CHL1: variants seen among roughly 807,000 people sequenced by gnomAD.
CHL1 encodes neural cell adhesion molecule L1-like protein.
Under a neutral mutation model 141.9 loss-of-function variants are expected in CHL1, and 96 were observed. The observed-to-expected ratio is 0.68, with a 90% CI of 0.57 to 0.80. The LOEUF (loss-of-function observed/expected upper bound fraction) is 0.80. Ranked by LOEUF, CHL1 falls within the 30% of genes least tolerant of loss-of-function variation. The pLI, the probability that CHL1 is intolerant of heterozygous loss-of-function variation, is 0.00. For missense variants in CHL1, 1,820 were observed against 1,457.2 expected (o/e 1.25, Z -4.05); for synonymous variants, 613 against 502.2 (o/e 1.22, Z -2.95).
chr3:284,999 A>G (rs1574958383), intron 2 of CHL1, among the ~76,000 whole-genome samples: 1 of 152,382 alleles, frequency 6.6e-6, no homozygotes, highest in Non-Finnish European at 1.5e-5. Context: ...ATAGATGTCT[A>G]AAATGAACTA....
At chr3:256,365 C>T (rs893798113) in intron 2 of CHL1, among the ~76,000 whole-genome samples, 2 of 152,190 alleles carry the variant, frequency 1.3e-5, no homozygotes, top group African/African-American at 4.8e-5. Context: ...TTGCACCACT[C>T]TAAGTGGTAA....
At chr3:250,989 C>T (rs1166104395) in intron 2 of CHL1, among the ~76,000 whole-genome samples, 1 of 151,988 alleles carries the variant, frequency 6.6e-6, no homozygotes, top group African/African-American at 2.4e-5. Context: ...TTCTTATCCT[C>T]ATGAAGCTTA....
At position 271,123 on chromosome 3, in the gene CHL1, C is replaced by A. The variant is rs183692355; in HGVS notation, c.-95+26431C>A. On this transcript the variant is annotated intron_variant, in intron 2 of 27. Transcript: ENST00000256509. ...GAAAAGCCAAAAATACTGCTCCAAT[C>A]AAAAAAAAATTCTTATATTTTGGCC... Among the ~76,000 whole-genome samples the A allele has an allele frequency of 2.6e-3, 387 of 151,246 alleles. 2 individuals carry two copies. Among genetic ancestry groups the A allele is most frequent in the African/African-American group, 8.7e-3 (361 of 41,294 alleles).
At chr3:333,786 A>T (rs1244760186) in intron 5 of CHL1, among the ~76,000 whole-genome samples, 1 of 152,226 alleles carries the variant, frequency 6.6e-6, no homozygotes, top group Admixed American at 6.5e-5. Context: ...TGCCTTCATT[A>T]TCCAACTATC....
chr3:375,617 T>C (rs1706216950), intron 15 of CHL1, among the ~76,000 whole-genome samples: 2 of 151,920 alleles, frequency 1.3e-5, no homozygotes, highest in Admixed American at 1.3e-4. Context: ...GAAATGTGAT[T>C]AGCAATAAGC....
At chr3:344,880 T>G (rs1702635789) in intron 9 of CHL1, among the ~76,000 whole-genome samples, 171 bp downstream of exon 9, 1 of 152,136 alleles carries the variant, frequency 6.6e-6, no homozygotes, top group Non-Finnish European at 1.5e-5. Flanking sequence ...TTCCAGGTAC[T>G]TAAGAGGCTG....
At chr3:275,665 G>C (rs1696030455) in intron 2 of CHL1, among the ~76,000 whole-genome samples, 1 of 152,264 alleles carries the variant, frequency 6.6e-6, no homozygotes, top group Admixed American at 6.5e-5. Context: ...TTTTTTCCAA[G>C]AGTCTAACTT....
intron 1 of CHL1, among the ~76,000 whole-genome samples, chr3:215,791 A>G (rs373004649): frequency 1.3e-5 from 2 of 152,166 alleles, no homozygotes; most frequent in African/African-American, 4.8e-5. Context: ...GCATTGAAGC[A>G]TCTCTTTCAA....
intron 19 of CHL1, among the ~76,000 whole-genome samples, chr3:386,069 T>C (rs1031425383): frequency 6.6e-6 from 1 of 152,042 alleles, no homozygotes; most frequent in Non-Finnish European, 1.5e-5. Context: ...GTATGGATCA[T>C]CCTGCGGAAA....
rs551205852 is a variant in CHL1 at position 273,696 on chromosome 3, A to T, written c.-95+29004A>T. Among the ~76,000 whole-genome samples, 6 of 152,270 alleles carry T rather than the reference A, an allele frequency of 3.9e-5. No homozygotes were observed. In the South Asian group the frequency reaches 1.0e-3, roughly 26 times the overall value. ...TTTTCTATCATAATGACTTCTTTTAAAGAATAAGGGTATATATCTCTTATG... is the reference window on the plus strand; with the variant it reads ...TTTTCTATCATAATGACTTCTTTTATAGAATAAGGGTATATATCTCTTATG... On this transcript the variant is annotated intron_variant, in intron 2 of 27. Coordinates refer to ENST00000256509, the MANE Select transcript of CHL1 (RefSeq NM_006614.4).
Position 377,881 on chromosome 3 carries a change from C to CTGCT in CHL1, c.1816_1819dup (p.Cys607LeufsTer21). On this transcript the variant is annotated frameshift_variant, in exon 16 of 28. Transcript: ENST00000256509. LOFTEE classifies it high-confidence loss of function. ...TAACTTTAGAGGACCAAGGTATTTACTGCTGTTCAGCTCATACTGCTCTAG... is the reference window on the plus strand; with the variant it reads ...TAACTTTAGAGGACCAAGGTATTTACTGCTTGCTGTTCAGCTCATACTGCTCTAG... The CTGCT allele has an allele frequency of 6.2e-7, 1 of 1,612,502 alleles. No individual in the cohort carries two copies. Among genetic ancestry groups the CTGCT allele is most frequent in the Non-Finnish European group, 8.5e-7 (1 of 1,178,712 alleles).
chr3:241,477 C>T (rs1168573308), intron 1 of CHL1, among the ~76,000 whole-genome samples: 2 of 152,210 alleles, frequency 1.3e-5, no homozygotes, highest in African/African-American at 4.8e-5. Context: ...TCTCATATTA[C>T]ACCAGCCATG....
At chr3:349,323 T>A (rs759718674) in intron 9 of CHL1, 36 bp from the exon 10 acceptor site, 17 of 1,560,286 alleles carry the variant, frequency 1.1e-5, no homozygotes, top group Non-Finnish European at 1.5e-5. Context: ...TTTCCGCTTT[T>A]AAAAAAATGT....
At chr3:311,773 A>G (rs1316601644) in intron 2 of CHL1, among the ~76,000 whole-genome samples, 1 of 152,192 alleles carries the variant, frequency 6.6e-6, no homozygotes, top group Non-Finnish European at 1.5e-5. Context: ...TGAGCTGTAC[A>G]CTTAAGTTTT....
chr3:319,345 A>T (rs1277984953), intron 2 of CHL1, among the ~76,000 whole-genome samples: 1 of 151,744 alleles, frequency 6.6e-6, no homozygotes, highest in Non-Finnish European at 1.5e-5. Context: ...TATGTAACAA[A>T]CCTGCAAAGT....
chr3:286,816 A>T (rs961210744), intron 2 of CHL1, among the ~76,000 whole-genome samples: 1 of 152,142 alleles, frequency 6.6e-6, no homozygotes, highest in African/African-American at 2.4e-5. Flanking sequence ...TTTTTAGACC[A>T]TATAAGGTAA....
intron 5 of CHL1, among the ~76,000 whole-genome samples, chr3:329,388 C>T (rs1459580177): frequency 6.6e-6 from 1 of 151,832 alleles, no homozygotes; most frequent in African/African-American, 2.4e-5. Context: ...GAATCTTTAA[C>T]CCAAAAGTTC....
At chr3:234,137 C>T (rs911647409) in intron 1 of CHL1, among the ~76,000 whole-genome samples, 1 of 151,622 alleles carries the variant, frequency 6.6e-6, no homozygotes, top group East Asian at 1.9e-4. Context: ...GAAGGAAATA[C>T]ACTAAAATAT....
At chr3:250,367 A>C (rs565376713) in intron 2 of CHL1, among the ~76,000 whole-genome samples, 2 of 152,290 alleles carry the variant, frequency 1.3e-5, no homozygotes, top group African/African-American at 4.8e-5. Context: ...AAGGGTGATA[A>C]ATTGTGTAGA....
Sources: gnomAD v4.1 joint callset for allele counts (sites outside exome capture counted in the v4.1 genomes callset) on GRCh38, gnomAD v4.1.1 for gene constraint, MANE v1.5 for transcripts, NCBI Gene and HGNC (gene_info 2026-07-23, HGNC 2026-07-21) for gene names.